SDK1: variants seen among roughly 807,000 people sequenced by gnomAD.
The protein encoded by SDK1 is protein sidekick-1.
SDK1 carries 157 observed loss-of-function variants against 245.5 expected under a neutral mutation model. The observed-to-expected ratio is 0.64, with a 90% CI of 0.56 to 0.73. The LOEUF is 0.73. Among genes scored for constraint, SDK1 ranks in the 30% least tolerant of loss-of-function variants. SDK1 has a pLI of 0.00. For missense variants in SDK1, 3,583 were observed against 3,002.3 expected (o/e 1.19, Z -4.52); for synonymous variants, 1,647 against 1,278.5 (o/e 1.29, Z -6.15).
intron 4 of SDK1, among the ~76,000 whole-genome samples, chr7:3,775,867 C>T (rs541516685): frequency 1.8e-4 from 28 of 152,286 alleles, no homozygotes; most frequent in African/African-American, 5.5e-4. Flanking sequence ...TGAGCCACCG[C>T]GCCCGGCCTA....
chr7:4,190,575 A>G lies in SDK1; in HGVS notation c.5098+11989A>G, dbSNP rs140494843. On this transcript the variant is annotated intron_variant, in intron 35 of 44. Coordinates refer to ENST00000404826, the MANE Select transcript of SDK1 (RefSeq NM_152744.4). ...AAGAAGCCCTCGCCAAGGAGTGCAG[A>G]GTGGAGAGACTGTGGGATGCAGGTG... Among the ~76,000 whole-genome samples, 244 of 152,336 alleles carry G rather than the reference A, an allele frequency of 1.6e-3. 5 individuals carry two copies. The East Asian group carries it at 0.045, about 28-fold the overall frequency.
In SDK1 at chr7:4,267,637, C is replaced by T; in HGVS notation, c.*2253C>T. The stretch of plus-strand genomic sequence containing the variant: ...GCTCTCTGCAGCCATGAGGATGTGG[C>T]TTTACATGCCAGGGAGAGTGTTGAG... On this transcript the variant is annotated 3_prime_UTR_variant, in exon 45 of 45. Coordinates refer to ENST00000404826, the MANE Select transcript of SDK1 (RefSeq NM_152744.4). The T allele has an allele frequency of 1.0e-6, 1 of 985,450 alleles. No individual in the cohort carries two copies. Among genetic ancestry groups the T allele is most frequent in the South Asian group, 4.7e-5 (1 of 21,282 alleles). 61.0% of individuals were successfully genotyped at this position (985,450 alleles called of 1,614,324 possible). A position where few individuals can be genotyped will look rare whatever the true frequency, so the allele number is the denominator to read the frequency against.
intron 2 of SDK1, among the ~76,000 whole-genome samples, chr7:3,626,171 C>T (rs1054018226): frequency 2.6e-5 from 4 of 151,788 alleles, no homozygotes; most frequent in Non-Finnish European, 5.9e-5. Flanking sequence ...AACTCCTGGT[C>T]TCAAGCAGTC....
chr7:4,171,951 G>A (rs1010504654), intron 32 of SDK1, among the ~76,000 whole-genome samples: 1 of 152,172 alleles, frequency 6.6e-6, no homozygotes, highest in African/African-American at 2.4e-5. Context: ...ACCCCCAGAC[G>A]ACAGCTCTCT....
chr7:4,138,206 C>G (rs1779223529), intron 28 of SDK1, among the ~76,000 whole-genome samples: 1 of 152,176 alleles, frequency 6.6e-6, no homozygotes, highest in South Asian at 2.1e-4. Flanking sequence ...CATACATTGT[C>G]TCACTGGGGC....
chr7:3,478,943 T>G (rs1198934878), intron 1 of SDK1, among the ~76,000 whole-genome samples: 1 of 152,216 alleles, frequency 6.6e-6, no homozygotes, highest in Non-Finnish European at 1.5e-5. Context: ...GTGGATTATT[T>G]AGAAATGTGT....
At chr7:3,812,946 T>C (rs1350726288) in intron 4 of SDK1, among the ~76,000 whole-genome samples, 2 of 152,182 alleles carry the variant, frequency 1.3e-5, no homozygotes, top group African/African-American at 4.8e-5. Context: ...TTCTTTCTTC[T>C]TTTGCTTTTA....
intron 1 of SDK1, among the ~76,000 whole-genome samples, chr7:3,310,239 G>C (rs1779518408): frequency 6.6e-6 from 1 of 152,120 alleles, no homozygotes; most frequent in African/African-American, 2.4e-5. Context: ...TTAAAGCTTT[G>C]GTGCTGAGTC....
chr7:4,080,135 G>A (rs540858028), intron 22 of SDK1, among the ~76,000 whole-genome samples: 1 of 152,270 alleles, frequency 6.6e-6, no homozygotes. Context: ...GGGACAGCGA[G>A]GAGGGTGGGT....
chr7:3,657,599 G>A (rs1414135260), intron 4 of SDK1, among the ~76,000 whole-genome samples: 1 of 126,810 alleles, frequency 7.9e-6, no homozygotes, highest in Non-Finnish European at 1.6e-5. Flanking sequence ...TAGGGGACTC[G>A]GGTTTTTTTC....
chr7:3,817,644 A>G (rs549486244), intron 4 of SDK1, among the ~76,000 whole-genome samples: 36 of 152,266 alleles, frequency 2.4e-4, no homozygotes, highest in Non-Finnish European at 5.9e-5. Flanking sequence ...TGGCCATGCA[A>G]ACATAGCAGG....
intron 22 of SDK1, among the ~76,000 whole-genome samples, chr7:4,086,204 G>A (rs534317667): frequency 1.1e-4 from 17 of 152,248 alleles, no homozygotes; most frequent in Middle Eastern, 6.8e-3. Context: ...TCTCACACCT[G>A]CACAGGTCTG....
chr7:4,041,562 G>T (rs12155314), intron 17 of SDK1, among the ~76,000 whole-genome samples: 35,170 of 150,650 alleles, frequency 0.23, 5,843 homozygotes, highest in African/African-American at 0.47. Context: ...GCCTACAGAA[G>T]AGTTTCCTTG....
chr7:4,052,566 T>A (rs114418410), intron 19 of SDK1, among the ~76,000 whole-genome samples: 1,551 of 152,276 alleles, frequency 0.01, 19 homozygotes, highest in South Asian at 0.03. Flanking sequence ...GGTCATGATA[T>A]AACATTGTGA....
At chr7:3,339,073 C>G (rs910478084) in intron 1 of SDK1, among the ~76,000 whole-genome samples, 1 of 152,028 alleles carries the variant, frequency 6.6e-6, no homozygotes, top group African/African-American at 2.4e-5. Context: ...TTCTCTTAAA[C>G]CAATGACACA....
At chr7:3,307,260 G>A (rs191400386) in intron 1 of SDK1, among the ~76,000 whole-genome samples, 1 of 151,980 alleles carries the variant, frequency 6.6e-6, no homozygotes, top group East Asian at 1.9e-4. Context: ...GGGCATAAAC[G>A]TTCGTAGCCA....
chr7:3,776,191 T>A (rs180751460), intron 4 of SDK1, among the ~76,000 whole-genome samples: 1 of 152,340 alleles, frequency 6.6e-6, no homozygotes, highest in Non-Finnish European at 1.5e-5. Flanking sequence ...TGAGTAGCAT[T>A]TGCTTTGGAG....
intron 4 of SDK1, among the ~76,000 whole-genome samples, chr7:3,729,060 G>T (rs1036609709): frequency 1.3e-5 from 2 of 152,150 alleles, no homozygotes; most frequent in African/African-American, 4.8e-5. Context: ...TGTGAAATCC[G>T]GCTTGATCAT....
rs767069436 is a variant in SDK1 at position 4,266,318 on chromosome 7, A to G, written c.*934A>G. ...AAATGAATGCGTCTTTGCTGTCTCC[A>G]GGTGCCTTTTTATTAATTGTTCAGC... On this transcript the variant is annotated 3_prime_UTR_variant, in exon 45 of 45. Transcript: ENST00000404826. 3.8e-5 allele frequency: 37 copies of G among 985,266 alleles called. No homozygotes were observed. The highest frequency in any genetic ancestry group is 4.1e-5 in the Non-Finnish European group (34 of 829,918). The allele number at this position is 985,266 out of a possible 1,614,324, so 61.0% of individuals were successfully genotyped here. A position where few individuals can be genotyped will look rare whatever the true frequency, so the allele number is the denominator to read the frequency against.
Sources: allele counts gnomAD v4.1 joint callset (sites outside exome capture counted in the v4.1 genomes callset), GRCh38; gene constraint gnomAD v4.1.1; transcripts MANE v1.5; gene names NCBI Gene and HGNC (gene_info 2026-07-23, HGNC 2026-07-21).